Variants in BDP1 observed in about 807,000 individuals in gnomAD.
BDP1 encodes BDP1 general transcription factor IIIB subunit.
In BDP1, 169 loss-of-function variants were observed where a neutral mutation model predicts 266.6. That is an observed-to-expected ratio of 0.63 (90% CI 0.56 to 0.72). The LOEUF (loss-of-function observed/expected upper bound fraction) is 0.72, where lower values mean the gene tolerates loss of function less well. Ranked by LOEUF, BDP1 falls within the 30% of genes least tolerant of loss-of-function variation. The pLI is 0.00. For synonymous variants in BDP1, 1,090 were observed against 1,022.4 expected (o/e 1.07, Z -1.26); for missense variants, 3,015 against 3,053.8 (o/e 0.99, Z 0.30).
At chr5:71,494,390 C>T (rs1356792508) in intron 11 of BDP1, 1 of 152,216 alleles carries the variant, frequency 6.6e-6, no homozygotes, top group Non-Finnish European at 1.5e-5. Context: ...GTGGTGCAAT[C>T]TCAGCTCACT....
At position 71,495,263 on chromosome 5, in the gene BDP1, G is replaced by A. The variant is rs750303972; in HGVS notation, c.1654G>A (p.Ala552Thr). The change falls in exon 12 of 39, where the codon GCC (alanine) becomes ACC (threonine). Residue 552 changes from alanine (A) to threonine (T), a missense_variant. This residue lies in a region of BDP1 where 2,383 missense variants were observed against 2,404.9 expected (regional missense o/e 0.99). Transcript: ENST00000358731. Reference protein sequence around the residue: ...PILSLSNQQDATSVATESSES... With the variant: ...PILSLSNQQDTTSVATESSES... ...TCTTTTTTTTAGTAATCAACAAGAT[G>A]CCACATCAGTAGCAACTGAGTCTTC... 6.4e-7 allele frequency: 1 copy of A among 1,561,130 alleles called. No homozygotes were observed. The highest frequency in any genetic ancestry group is 8.7e-7 in the Non-Finnish European group (1 of 1,153,444).
At chr5:71,495,901 T>C (rs1763858929) in intron 12 of BDP1, among the ~76,000 whole-genome samples, 1 of 152,148 alleles carries the variant, frequency 6.6e-6, no homozygotes, top group Admixed American at 6.5e-5. Context: ...TTATACTTCC[T>C]TTTAGTCTTC....
chr5:71,551,161 G>A (rs1639451135), intron 34 of BDP1, among the ~76,000 whole-genome samples: 1 of 151,808 alleles, frequency 6.6e-6, no homozygotes, highest in African/African-American at 2.4e-5. Context: ...TTCTCGCAGA[G>A]GGGGATTTGG....
intron 36 of BDP1, among the ~76,000 whole-genome samples, chr5:71,559,038 C>T (rs1306287398): frequency 1.3e-5 from 2 of 151,466 alleles, no homozygotes; most frequent in Non-Finnish European, 2.9e-5. Context: ...CCTGTAATCC[C>T]AGCTACTCGG....
rs1046281098 is a variant in BDP1, at chr5:71,563,485, T to C, written c.7743+965T>C. 3.3e-5 allele frequency among the ~76,000 whole-genome samples: 5 copies of C among 152,202 alleles called. No homozygotes were observed. In the East Asian group the frequency reaches 9.6e-4, roughly 29 times the overall value. On this transcript the variant is annotated intron_variant, in intron 38 of 38. Coordinates refer to ENST00000358731, the MANE Select transcript of BDP1 (RefSeq NM_018429.3). ...GGAAAAAGGCCCTTTGTGATAAAGA[T>C]TGCAATTTTTTTTTTCTCTGTATGT... is the stretch of plus-strand genomic sequence containing the variant.
At chr5:71,456,728 G>A (rs1040327955) in intron 1 of BDP1, among the ~76,000 whole-genome samples, 1 of 152,200 alleles carries the variant, frequency 6.6e-6, no homozygotes, top group Non-Finnish European at 1.5e-5. Flanking sequence ...GGTGCAGATT[G>A]GAGATAATTC....
chr5:71,485,389 T>C (rs1376912879), intron 8 of BDP1, among the ~76,000 whole-genome samples: 2 of 152,196 alleles, frequency 1.3e-5, no homozygotes, highest in African/African-American at 2.4e-5. Context: ...TGAATTTCTC[T>C]GAGAACCATG....
chr5:71,509,956 C>G lies in BDP1; in HGVS notation c.2864C>G (p.Thr955Arg), dbSNP rs967514632. ...EEVKPLGEVE[T>R]DLKATGNESS... ...GTTAAGCCTCTAGGTGAAGTGGAGA[C>G]AGATTTGAAAGCAACTGGAAATGAG... The change falls in exon 17 of 39, where the codon ACA (threonine) becomes AGA (arginine). Residue 955 changes from threonine to arginine, a missense_variant. By Grantham distance (71) the Thr-to-Arg change is moderately conservative. Coordinates refer to ENST00000358731, the MANE Select transcript of BDP1 (RefSeq NM_018429.3). 8 of 1,613,530 alleles carry G rather than the reference C, an allele frequency of 5.0e-6. No individual in the cohort carries two copies. The highest frequency in any genetic ancestry group is 6.8e-6 in the Non-Finnish European group (8 of 1,179,942).
At chr5:71,483,722 A>T in intron 7 of BDP1, 120 bp from the exon 8 acceptor site, 1 of 709,510 alleles carries the variant, frequency 1.4e-6, no homozygotes, top group South Asian at 1.8e-5. Context: ...ATTGGCAAAG[A>T]CATATTAAGT....
chr5:71,482,000 G>A (rs931527555), intron 7 of BDP1, among the ~76,000 whole-genome samples: 2 of 152,158 alleles, frequency 1.3e-5, no homozygotes, highest in Non-Finnish European at 2.9e-5. Flanking sequence ...TGTCTGAGGT[G>A]AATGTATTTG....
intron 10 of BDP1, 111 bp downstream of exon 10, chr5:71,489,793 A>G: frequency 2.2e-6 from 2 of 909,510 alleles, no homozygotes; most frequent in Non-Finnish European, 1.7e-6. Context: ...ATGCTTATTA[A>G]TTGGTTCTGT....
At chr5:71,479,574 T>C (rs1406301000) in intron 7 of BDP1, among the ~76,000 whole-genome samples, 7 of 151,574 alleles carry the variant, frequency 4.6e-5, no homozygotes, top group South Asian at 2.1e-4. Context: ...TGAGGCGGAG[T>C]CTCGCTCTTT....
In BDP1 at chr5:71,557,186, G is replaced by C. The variant is rs1743278371; in HGVS notation, c.7240+261G>C. 2.6e-5 allele frequency among the ~76,000 whole-genome samples: 4 copies of C among 152,088 alleles called. No individual in the cohort carries two copies. In the South Asian group the frequency reaches 8.3e-4, roughly 32 times the overall value. On this transcript the variant is annotated intron_variant, in intron 36 of 38. Coordinates refer to ENST00000358731, the MANE Select transcript of BDP1 (RefSeq NM_018429.3). ...TAAGCTCAATAACTACACTTTAGGA[G>C]TTAGCTGAATGTAATGGCTTTTTTT...
chr5:71,509,424 T>C, intron 16 of BDP1, 41 bp from the exon 17 acceptor site: 1 of 1,497,960 alleles, frequency 6.7e-7, no homozygotes, highest in South Asian at 1.5e-5. Context: ...GCAGGCAGTC[T>C]GGTTTAAAAC....
chr5:71,474,677 G>A lies in BDP1; in HGVS notation c.1014+4188G>A, dbSNP rs145869786. Reference sequence around the variant, plus strand: ...AGCCTGGCCAACATGATGAAACCCCGATCCTATTAAAATACAAAAATTAGC... The same window carrying A: ...AGCCTGGCCAACATGATGAAACCCCAATCCTATTAAAATACAAAAATTAGC... On this transcript the variant is annotated intron_variant, in intron 7 of 38. Transcript: ENST00000358731. 4.4e-4 allele frequency among the ~76,000 whole-genome samples: 67 copies of A among 151,600 alleles called. No individual in the cohort carries two copies. The East Asian group carries it at 0.012, about 27-fold the overall frequency.
intron 11 of BDP1, 66 bp from the exon 12 acceptor site, chr5:71,495,184 A>T (rs1296105074): frequency 2.0e-6 from 2 of 1,024,792 alleles, no homozygotes; most frequent in African/African-American, 1.7e-5. Flanking sequence ...TAACATTTTT[A>T]AAAATAATTA....
At chr5:71,479,503 T>A (rs1487679227) in intron 7 of BDP1, among the ~76,000 whole-genome samples, 1 of 152,150 alleles carries the variant, frequency 6.6e-6, no homozygotes, top group South Asian at 2.1e-4. Context: ...CTGTTTCTTT[T>A]TTTCTTTTTT....
rs1240101019 is a variant in BDP1 at position 71,541,609 on chromosome 5, G to A, written c.6178G>A (p.Val2060Ile). 3.1e-6 allele frequency: 5 copies of A among 1,612,332 alleles called. No homozygotes were observed. Among genetic ancestry groups the A allele is most frequent in the Non-Finnish European group, 4.2e-6 (5 of 1,179,316 alleles). Residue 2060 changes from valine (V) to isoleucine (I), a missense_variant, in exon 29 of 39, where the codon GTA becomes ATA. Transcript: ENST00000358731. Reference protein sequence around the residue: ...SPASFEENKIVLEEQSSREEI... With the variant: ...SPASFEENKIILEEQSSREEI... ...TGCATCATTTGAAGAAAACAAGATT[G>A]TATTGGAGGAACAAAGTTCCAGAGA...
At chr5:71,469,069 T>G (rs182383961) in intron 6 of BDP1, among the ~76,000 whole-genome samples, 1 of 152,310 alleles carries the variant, frequency 6.6e-6, no homozygotes, top group East Asian at 1.9e-4. Flanking sequence ...CAGCAGGATA[T>G]AGAGTAAAAA....
Sources: gnomAD v4.1 joint callset for allele counts (sites outside exome capture counted in the v4.1 genomes callset) on GRCh38, gnomAD v4.1.1 for gene constraint, gnomAD v4.1.1 regional missense constraint, MANE v1.5 for transcripts, NCBI Gene and HGNC (gene_info 2026-07-23, HGNC 2026-07-21) for gene names.